GADL1: variants seen among roughly 807,000 people sequenced by gnomAD.
GADL1 encodes GAD like acidic amino acid decarboxylase 1.
A neutral mutation model predicts 69.5 loss-of-function variants in GADL1; 71 were observed. That is an observed-to-expected ratio of 1.02 (90% CI 0.84 to 1.25). The LOEUF is 1.25. Among genes scored for constraint, GADL1 ranks in the 50% most tolerant of loss-of-function variants. GADL1 has a pLI of 0.00. For synonymous variants in GADL1, 254 were observed against 214.4 expected (o/e 1.18, Z -1.62); for missense variants, 737 against 631.8 (o/e 1.17, Z -1.79).
chr3:30,888,376 T>G (rs1415780507), intron 1 of GADL1, among the ~76,000 whole-genome samples: 2 of 152,116 alleles, frequency 1.3e-5, no homozygotes, highest in Non-Finnish European at 2.9e-5. Flanking sequence ...ACCTCATAAT[T>G]CAAAAAAGTT....
chr3:30,841,458 A>T (rs902477357), intron 8 of GADL1, among the ~76,000 whole-genome samples: 5 of 152,304 alleles, frequency 3.3e-5, no homozygotes, highest in African/African-American at 1.2e-4. Flanking sequence ...TGCTAGAAAC[A>T]TGAATTCCTA....
At position 30,793,836 on chromosome 3, in the gene GADL1, A is replaced by C. The variant is rs1286598597; in HGVS notation, c.1250+7053T>G. Among the ~76,000 whole-genome samples, 5 of 152,044 alleles carry C rather than the reference A, an allele frequency of 3.3e-5. No homozygotes were observed. The East Asian group carries it at 9.6e-4, about 29-fold the overall frequency. On this transcript the variant is annotated intron_variant, in intron 12 of 14. Transcript: ENST00000282538. ...GCGCCTCCCTGAACCATTTTGGACCAAGTTTCTCTCCTAGTCTCATCTTCT... is the reference window on the plus strand; with the variant it reads ...GCGCCTCCCTGAACCATTTTGGACCCAGTTTCTCTCCTAGTCTCATCTTCT...
intron 1 of GADL1, among the ~76,000 whole-genome samples, chr3:30,884,827 C>G (rs773616277): frequency 1.3e-5 from 2 of 151,392 alleles, no homozygotes; most frequent in Non-Finnish European, 2.9e-5. Context: ...GTAGAAAATA[C>G]TTATTATGCC....
chr3:30,739,389 C>T, intron 14 of GADL1, among the ~76,000 whole-genome samples: 1 of 152,150 alleles, frequency 6.6e-6, no homozygotes, highest in East Asian at 1.9e-4. Context: ...GCCCACCTGC[C>T]TGCACCCATG....
At chr3:30,850,161 C>T (rs749730976) in intron 5 of GADL1, 50 bp from the exon 6 acceptor site, 20 of 985,848 alleles carry the variant, frequency 2.0e-5, no homozygotes, top group Middle Eastern at 2.0e-4. Context: ...AGTTATAGCT[C>T]GCAAAATGCT....
At chr3:30,737,401 T>C (rs1695555001) in intron 14 of GADL1, among the ~76,000 whole-genome samples, 1 of 152,168 alleles carries the variant, frequency 6.6e-6, no homozygotes, top group Non-Finnish European at 1.5e-5. Context: ...GCCAACTTTT[T>C]TGTTAATCAT....
intron 1 of GADL1, among the ~76,000 whole-genome samples, chr3:30,871,206 GTTAC>G (rs920523580): frequency 1.3e-5 from 2 of 151,548 alleles, no homozygotes; most frequent in African/African-American, 2.4e-5. Context: ...GAGTTCAGCT[GTTAC>G]TTACTGAGTG....
chr3:30,825,592 A>G (rs2125519739), intron 11 of GADL1, among the ~76,000 whole-genome samples: 1 of 152,114 alleles, frequency 6.6e-6, no homozygotes, highest in South Asian at 2.1e-4. Context: ...AAATAGAATG[A>G]TTTATTCCAA....
chr3:30,765,066 G>A (rs1696238115), intron 14 of GADL1, among the ~76,000 whole-genome samples: 1 of 152,044 alleles, frequency 6.6e-6, no homozygotes, highest in Non-Finnish European at 1.5e-5. Context: ...GATTTGACCA[G>A]CAGAACCAAA....
chr3:30,838,964 G>T (rs1697918572), intron 9 of GADL1, 33 bp downstream of exon 9: 2 of 1,314,680 alleles, frequency 1.5e-6, no homozygotes, highest in Non-Finnish European at 2.1e-6. Context: ...AAGACCAAAG[G>T]TTAAACAGGT....
chr3:30,807,802 C>A (rs1439367390), intron 11 of GADL1, among the ~76,000 whole-genome samples: 2 of 151,444 alleles, frequency 1.3e-5, no homozygotes, highest in African/African-American at 4.9e-5. Context: ...GAGGCTGAGT[C>A]GGGCAGATCA....
chr3:30,805,015 A>ATG (rs1050676131), intron 11 of GADL1, among the ~76,000 whole-genome samples: 1 of 152,232 alleles, frequency 6.6e-6, no homozygotes, highest in Non-Finnish European at 1.5e-5. Flanking sequence ...AGAGAAGCCA[A>ATG]TGACAAGCAC....
In GADL1 at chr3:30,872,020, A is replaced by AG. The variant is rs199766217; in HGVS notation, c.38-10256dup. Among the ~76,000 whole-genome samples, 893 of 151,980 alleles carry AG rather than the reference A, an allele frequency of 5.9e-3. 11 individuals carry two copies. The highest frequency in any genetic ancestry group is 0.02 in the African/African-American group (821 of 41,464). ...TTGCTTGAGTAAATATTACTTGATA[A>AG]GGGGCATGACGTGCTGCAATTGTAT... On this transcript the variant is annotated intron_variant, in intron 1 of 14. Coordinates refer to ENST00000282538, the MANE Select transcript of GADL1 (RefSeq NM_207359.3).
At chr3:30,808,049 T>C (rs774569174) in intron 11 of GADL1, among the ~76,000 whole-genome samples, 1 of 151,992 alleles carries the variant, frequency 6.6e-6, no homozygotes, top group Non-Finnish European at 1.5e-5. Flanking sequence ...ATAAAAGTGT[T>C]TTTCCCAAAA....
At chr3:30,835,322 G>T (rs1258605187) in intron 9 of GADL1, among the ~76,000 whole-genome samples, 1 of 152,052 alleles carries the variant, frequency 6.6e-6, no homozygotes, top group Non-Finnish European at 1.5e-5. Context: ...GGTTGCTTAG[G>T]ATGTAGCAAC....
chr3:30,786,251 ACT>A (rs1185765545), intron 13 of GADL1, 102 bp downstream of exon 13: 19 of 739,858 alleles, frequency 2.6e-5, no homozygotes, highest in South Asian at 2.0e-4. Context: ...CTTGTTTTTA[ACT>A]CTGCAACACA....
At chr3:30,796,942 T>A (rs1697044203) in intron 12 of GADL1, among the ~76,000 whole-genome samples, 1 of 152,220 alleles carries the variant, frequency 6.6e-6, no homozygotes, top group Non-Finnish European at 1.5e-5. Context: ...TACCTGTCCT[T>A]ATATCCAAGC....
intron 12 of GADL1, among the ~76,000 whole-genome samples, chr3:30,787,637 T>C (rs1696825552): frequency 6.6e-6 from 1 of 152,168 alleles, no homozygotes; most frequent in Non-Finnish European, 1.5e-5. Flanking sequence ...GAAAACTAGA[T>C]TCCAGTAATA....
chr3:30,787,407 C>T (rs1469786766), intron 12 of GADL1, among the ~76,000 whole-genome samples: 2 of 152,134 alleles, frequency 1.3e-5, no homozygotes, highest in Non-Finnish European at 2.9e-5. Context: ...CTAGGCTTGG[C>T]TTTTGTCTGT....
Sources: gnomAD v4.1 joint callset for allele counts (sites outside exome capture counted in the v4.1 genomes callset) on GRCh38, gnomAD v4.1.1 for gene constraint, MANE v1.5 for transcripts, NCBI Gene and HGNC (gene_info 2026-07-23, HGNC 2026-07-21) for gene names.